NRXN3: variants seen among roughly 807,000 people sequenced by gnomAD.
The protein encoded by NRXN3 is neurexin 3.
A neutral mutation model predicts 137.6 loss-of-function variants in NRXN3; 32 were observed. That is an observed-to-expected ratio of 0.23 (90% CI 0.18 to 0.31). The LOEUF (loss-of-function observed/expected upper bound fraction) is 0.31. Ranked by LOEUF, NRXN3 falls within the 10% of genes least tolerant of loss-of-function variation. The pLI is 1.00. For missense variants in NRXN3, 1,574 were observed against 2,062.5 expected, an observed-to-expected ratio of 0.76 and a Z score of 4.59; for synonymous variants, 798 against 784.5, an observed-to-expected ratio of 1.02 and a Z score of -0.29.
intron 8 of NRXN3, among the ~76,000 whole-genome samples, chr14:78,791,727 G>T (rs1235379330): frequency 1.3e-5 from 2 of 152,150 alleles, no homozygotes; most frequent in Non-Finnish European, 2.9e-5. Flanking sequence ...ACCAGGCAGG[G>T]TGACTTCTGG....
intron 1 of NRXN3, among the ~76,000 whole-genome samples, chr14:78,226,424 A>C (rs529085030): frequency 1.3e-5 from 2 of 152,316 alleles, no homozygotes; most frequent in Non-Finnish European, 2.9e-5. Flanking sequence ...TGCGTATATT[A>C]AAAGATTTAT....
At chr14:79,745,766 C>A (rs2098977870) in intron 19 of NRXN3, among the ~76,000 whole-genome samples, 1 of 123,464 alleles carries the variant, frequency 8.1e-6, no homozygotes, top group African/African-American at 3.3e-5. Context: ...CCCCTGCAAT[C>A]TGCAGGGGAA....
intron 6 of NRXN3, among the ~76,000 whole-genome samples, chr14:78,671,585 G>T (rs761513176): frequency 1.1e-4 from 17 of 151,704 alleles, no homozygotes; most frequent in Non-Finnish European, 2.4e-4. Flanking sequence ...AGTAAATAAA[G>T]TCAAACATGT....
At chr14:78,188,709 G>A (rs1595731879) in intron 1 of NRXN3, among the ~76,000 whole-genome samples, 1 of 152,266 alleles carries the variant, frequency 6.6e-6, no homozygotes, top group East Asian at 1.9e-4. Context: ...GTGAATGCAG[G>A]TGAGTTCTGT....
chr14:78,645,309 C>T lies in NRXN3; in HGVS notation c.947C>T (p.Ser316Phe). 6.3e-7 allele frequency: 1 copy of T among 1,598,890 alleles called. No individual in the cohort carries two copies. The highest frequency in any genetic ancestry group is 8.5e-7 in the Non-Finnish European group (1 of 1,179,766). The change falls in exon 5 of 21, where the codon TCC becomes TTC. Residue 316 changes from serine to phenylalanine, a missense_variant. Ser to Phe is a radical substitution (Grantham distance 155). Coordinates refer to ENST00000335750, the MANE Select transcript of NRXN3 (RefSeq NM_001330195.2). ...CTGGCTCTGAAGGATGGTGCGGTCT[C>T]CTTGGTCATTAACCTGGGGTCCGGG... is the stretch of plus-strand genomic sequence containing the variant. Reference protein sequence around the residue: ...VNLALKDGAVSLVINLGSGAF... With the variant: ...VNLALKDGAVFLVINLGSGAF...
intron 1 of NRXN3, among the ~76,000 whole-genome samples, chr14:78,238,833 G>T (rs182867379): frequency 2.2e-4 from 33 of 152,328 alleles, no homozygotes; most frequent in African/African-American, 7.9e-4. Context: ...GAAGGATGAG[G>T]GACTGAAGGA....
At chr14:79,417,687 A>C (rs182163841) in intron 15 of NRXN3, among the ~76,000 whole-genome samples, 101 of 152,318 alleles carry the variant, frequency 6.6e-4, no homozygotes, top group Admixed American at 3.3e-3. Flanking sequence ...AAATACTACA[A>C]TAAATCGATT....
intron 1 of NRXN3, among the ~76,000 whole-genome samples, chr14:78,235,595 TAA>T (rs59835294): frequency 1.5e-4 from 20 of 136,466 alleles, no homozygotes; most frequent in African/African-American, 2.1e-4. Context: ...TAGTTTTTAG[TAA>T]AAAAAAAAAA....
At chr14:79,294,974 C>T (rs2083809436) in intron 15 of NRXN3, among the ~76,000 whole-genome samples, 1 of 152,008 alleles carries the variant, frequency 6.6e-6, no homozygotes, top group Admixed American at 6.6e-5. Flanking sequence ...TTTTTCCCTC[C>T]TGTCCATGTT....
chr14:78,966,189 A>G lies in NRXN3; in HGVS notation c.2560A>G (p.Ile854Val), dbSNP rs746479946. Reference sequence around the variant, plus strand: ...CATTGACTTGTGCAAAAATGGTGACATTGATTATTGTGAGCTGAAGGCTCG... The same window carrying G: ...CATTGACTTGTGCAAAAATGGTGACGTTGATTATTGTGAGCTGAAGGCTCG... Reference protein sequence around the residue: ...LYIDLCKNGDIDYCELKARFG... With the variant: ...LYIDLCKNGDVDYCELKARFG... Residue 854 changes from isoleucine (I) to valine (V), a missense_variant, in exon 12 of 21, where the codon ATT (isoleucine) becomes GTT (valine). Ile to Val is a conservative substitution (Grantham distance 29). Coordinates refer to ENST00000335750, the MANE Select transcript of NRXN3 (RefSeq NM_001330195.2). 3.1e-6 allele frequency: 5 copies of G among 1,614,194 alleles called. No homozygotes were observed. In the South Asian group the frequency reaches 5.5e-5, roughly 18 times the overall value.
intron 15 of NRXN3, among the ~76,000 whole-genome samples, chr14:79,306,940 CT>C (rs944668111): frequency 6.6e-6 from 1 of 152,002 alleles, no homozygotes; most frequent in Non-Finnish European, 1.5e-5. Context: ...TAGGGTGAAC[CT>C]TTTTTCACTG....
intron 20 of NRXN3, among the ~76,000 whole-genome samples, chr14:79,805,457 T>C (rs1260421482): frequency 1.3e-5 from 2 of 152,066 alleles, no homozygotes; most frequent in Non-Finnish European, 2.9e-5. Context: ...TGACTTAACA[T>C]TGGGCAAGCA....
intron 10 of NRXN3, among the ~76,000 whole-genome samples, chr14:78,840,828 T>C (rs972613673): frequency 6.6e-6 from 1 of 152,316 alleles, no homozygotes; most frequent in African/African-American, 2.4e-5. Context: ...TCAAATTTAG[T>C]AATTATTCTA....
At chr14:79,802,303 G>A (rs2099184951) in intron 19 of NRXN3, among the ~76,000 whole-genome samples, 1 of 152,132 alleles carries the variant, frequency 6.6e-6, no homozygotes, top group Admixed American at 6.5e-5. Flanking sequence ...GGGCCATTCT[G>A]CAAGGCCCTT....
At chr14:79,121,309 G>A (rs72687484) in intron 15 of NRXN3, among the ~76,000 whole-genome samples, 7,667 of 152,216 alleles carry the variant, frequency 0.05, 266 homozygotes, top group Non-Finnish European at 0.081. Flanking sequence ...TGATCCCATT[G>A]ATGTGATATG....
intron 10 of NRXN3, among the ~76,000 whole-genome samples, chr14:78,834,094 G>A (rs2098989633): frequency 1.3e-5 from 2 of 152,178 alleles, no homozygotes; most frequent in Non-Finnish European, 2.9e-5. Flanking sequence ...TGTATGGCTG[G>A]TGAGTGAACA....
chr14:79,070,944 G>A (rs1012085955), intron 15 of NRXN3, among the ~76,000 whole-genome samples: 1 of 152,162 alleles, frequency 6.6e-6, no homozygotes, highest in African/African-American at 2.4e-5. Context: ...GTTTAACGAT[G>A]TAGCCGTAGT....
chr14:79,279,104 G>A, intron 15 of NRXN3, among the ~76,000 whole-genome samples: 1 of 152,352 alleles, frequency 6.6e-6, no homozygotes, highest in Non-Finnish European at 1.5e-5. Context: ...AGAAGGCGCA[G>A]TGTCGGTCTG....
intron 20 of NRXN3, among the ~76,000 whole-genome samples, chr14:79,820,290 A>C (rs2099267550): frequency 6.6e-6 from 1 of 152,130 alleles, no homozygotes; most frequent in Admixed American, 6.5e-5. Flanking sequence ...TTGCGAGCAA[A>C]AGCATGTATT....
Sources: allele counts gnomAD v4.1 joint callset (sites outside exome capture counted in the v4.1 genomes callset), GRCh38; gene constraint gnomAD v4.1.1; transcripts MANE v1.5; gene names NCBI Gene and HGNC (gene_info 2026-07-23, HGNC 2026-07-21).